The following DIS3L2 variants were observed in gnomAD, a reference collection of about 807,000 sequenced individuals.
The protein encoded by DIS3L2 is DIS3 like 3'-5' exoribonuclease 2.
In DIS3L2, 34 loss-of-function variants were observed where a neutral mutation model predicts 97.5. The observed-to-expected ratio is 0.35, with a 90% confidence interval of 0.27 to 0.46. The LOEUF is 0.46. Ranked by LOEUF, DIS3L2 falls within the 20% of genes least tolerant of loss-of-function variation. DIS3L2 has a pLI of 1.00. For missense variants in DIS3L2, 1,038 were observed against 1,146.0 expected, an observed-to-expected ratio of 0.91 and a Z score of 1.36; for synonymous variants, 435 against 445.2, an observed-to-expected ratio of 0.98 and a Z score of 0.29.
In DIS3L2 at chr2:232,268,100, T is replaced by C. The variant is rs2633260; in HGVS notation, c.1659+4660T>C. ...GTTTGCAGGAAGCTGTGCACCATCATGGGTCCCCTGACAGGTGGTTAGGTG... is the reference window on the plus strand; with the variant it reads ...GTTTGCAGGAAGCTGTGCACCATCACGGGTCCCCTGACAGGTGGTTAGGTG... On this transcript the variant is annotated intron_variant, in intron 13 of 20. Coordinates refer to ENST00000325385, the MANE Select transcript of DIS3L2 (RefSeq NM_152383.5). The surrounding 1 kb of genome is among the most constrained non-coding windows in gnomAD (Gnocchi z 4.1). Among the ~76,000 whole-genome samples the C allele has an allele frequency of 0.19, 29,432 of 152,202 alleles. 3,238 individuals are homozygous for C. Among genetic ancestry groups the C allele is most frequent in the African/African-American group, 0.29 (12,124 of 41,510 alleles).
intron 8 of DIS3L2, among the ~76,000 whole-genome samples, chr2:232,157,933 C>G (rs1187687171): frequency 2.6e-5 from 4 of 152,220 alleles, no homozygotes; most frequent in Admixed American, 1.3e-4. Context: ...ACTGTGCACT[C>G]TCATGGAGCA....
At chr2:232,329,785 T>TCCCCGGGGGGGGCCCCCCCCC in intron 14 of DIS3L2, 28 bp from the exon 15 acceptor site, 9 of 967,134 alleles carry the variant, frequency 9.3e-6, no homozygotes, top group East Asian at 3.1e-5. Flanking sequence ...ACCCCAGCGG[T>TCCCCGGGGGGGGCCCCCCCCC]CCCTCCCATC....
chr2:232,299,209 G>T lies in DIS3L2; in HGVS notation c.1660-831G>T, dbSNP rs77314570. ...TGTCCATTTCTCTCACTCTATCCCA[G>T]CCCCCCTGGCCGCTCCCCTGACTGT... On this transcript the variant is annotated intron_variant, in intron 13 of 20. Coordinates refer to ENST00000325385, the MANE Select transcript of DIS3L2 (RefSeq NM_152383.5). Among the ~76,000 whole-genome samples, 512 of 152,152 alleles carry T rather than the reference G, an allele frequency of 3.4e-3. 1 individual carries two copies. The highest frequency in any genetic ancestry group is 0.012 in the African/African-American group (486 of 41,500).
At chr2:232,096,653 C>G (rs985783909) in intron 6 of DIS3L2, among the ~76,000 whole-genome samples, 2 of 151,936 alleles carry the variant, frequency 1.3e-5, no homozygotes, top group African/African-American at 4.8e-5. Context: ...TTCAAATAAC[C>G]TGTGTTCAAC....
chr2:232,175,600 G>A (rs1691127875), intron 9 of DIS3L2, among the ~76,000 whole-genome samples: 2 of 151,742 alleles, frequency 1.3e-5, no homozygotes, highest in South Asian at 2.1e-4. Context: ...TAGGTTCGGG[G>A]GTACATGTAT....
Position 232,325,806 on chromosome 2 carries a change from C to G in DIS3L2, c.1740-4007C>G, listed in dbSNP as rs1255218103. Among the ~76,000 whole-genome samples the G allele has an allele frequency of 6.6e-6, 1 of 152,220 alleles. No individual in the cohort carries two copies. Among genetic ancestry groups the G allele is most frequent in the Non-Finnish European group, 1.5e-5 (1 of 68,030 alleles). On this transcript the variant is annotated intron_variant, in intron 14 of 20. Coordinates refer to ENST00000325385, the MANE Select transcript of DIS3L2 (RefSeq NM_152383.5). This position sits in a 1 kb window ranked among gnomAD's most constrained non-coding sequence, Gnocchi z 4.6. ...TCCAGCGCCCCATCCCCCGCAGGGC[C>G]CAGTGATCTCACGCCTGTGCCCCTG...
At position 232,158,752 on chromosome 2, in the gene DIS3L2, G is replaced by A. The variant is rs549047763; in HGVS notation, c.951-4707G>A. On this transcript the variant is annotated intron_variant, in intron 8 of 20. Coordinates refer to ENST00000325385, the MANE Select transcript of DIS3L2 (RefSeq NM_152383.5). ...GTTAAAGACATTGATATTAGGAGAC[G>A]AATGTAGGAAACAGAACCTCAGGGA... Among the ~76,000 whole-genome samples, 10 of 152,212 alleles carry A rather than the reference G, an allele frequency of 6.6e-5. No individual in the cohort carries two copies. The East Asian group carries it at 1.9e-3, about 29-fold the overall frequency.
chr2:232,171,668 A>T (rs574860863), intron 9 of DIS3L2, among the ~76,000 whole-genome samples: 1 of 152,202 alleles, frequency 6.6e-6, no homozygotes, highest in South Asian at 2.1e-4. Flanking sequence ...GGAAGCTGTC[A>T]TTGTCATTTG....
intron 12 of DIS3L2, among the ~76,000 whole-genome samples, chr2:232,256,550 G>A (rs760213984): frequency 8.5e-5 from 13 of 152,272 alleles, no homozygotes; most frequent in African/African-American, 2.4e-4. Flanking sequence ...CCTTTTATTC[G>A]TCACTAGGTT....
At chr2:232,078,486 C>G (rs1696284379) in intron 5 of DIS3L2, among the ~76,000 whole-genome samples, 1 of 152,206 alleles carries the variant, frequency 6.6e-6, no homozygotes, top group Admixed American at 6.5e-5. Flanking sequence ...CTTCTTAACT[C>G]TTTCAAAGAC....
At chr2:232,313,064 T>A (rs941576117) in intron 14 of DIS3L2, among the ~76,000 whole-genome samples, 5 of 152,210 alleles carry the variant, frequency 3.3e-5, no homozygotes, top group Non-Finnish European at 7.3e-5. Flanking sequence ...CAGTTTTACT[T>A]TTTCCTTTCC....
At chr2:232,195,069 A>G (rs907473969) in intron 9 of DIS3L2, among the ~76,000 whole-genome samples, 1 of 152,216 alleles carries the variant, frequency 6.6e-6, no homozygotes, top group African/African-American at 2.4e-5. Flanking sequence ...TCTGAATGAT[A>G]CAACAGAGTT....
chr2:232,084,027 T>G (rs990714817), intron 5 of DIS3L2, among the ~76,000 whole-genome samples: 3 of 152,204 alleles, frequency 2.0e-5, no homozygotes, highest in African/African-American at 7.2e-5. Context: ...GTATTAGTTC[T>G]TTGAGGATGG....
chr2:232,050,165 T>C (rs995328193), intron 5 of DIS3L2, among the ~76,000 whole-genome samples: 3 of 152,236 alleles, frequency 2.0e-5, no homozygotes, highest in African/African-American at 7.2e-5. Context: ...TGATTTCCCT[T>C]TTCTTTGTAA....
At chr2:232,171,111 C>G (rs998363826) in intron 9 of DIS3L2, among the ~76,000 whole-genome samples, 11 of 152,066 alleles carry the variant, frequency 7.2e-5, no homozygotes, top group African/African-American at 2.7e-4. Flanking sequence ...TGATTTTAGG[C>G]AAACCAGTTA....
At chr2:232,338,206 GT>G (rs34402884), downstream of DIS3L2, among the ~76,000 whole-genome samples, 375 of 152,206 alleles carry the variant, frequency 2.5e-3, 1 homozygote, top group Non-Finnish European at 4.4e-3. Context: ...CTGAGGAGCA[GT>G]GGCCAAGTTC....
chr2:232,249,157 G>A (rs936650584), intron 11 of DIS3L2, 82 bp from the exon 12 acceptor site: 4 of 1,348,446 alleles, frequency 3.0e-6, no homozygotes, highest in Non-Finnish European at 3.1e-6. Context: ...AAAAGCTGAA[G>A]CTGTTCACCA....
chr2:232,098,714 G>A (rs559829012), intron 6 of DIS3L2, among the ~76,000 whole-genome samples: 18 of 151,936 alleles, frequency 1.2e-4, no homozygotes, highest in Non-Finnish European at 2.4e-4. Flanking sequence ...AATATCATTT[G>A]CCCATTTTTC....
intron 8 of DIS3L2, among the ~76,000 whole-genome samples, chr2:232,158,832 A>C (rs1476281645): frequency 6.6e-6 from 1 of 152,156 alleles, no homozygotes; most frequent in African/African-American, 2.4e-5. Flanking sequence ...GATTCCATTA[A>C]TTTTCAGAAT....
Sources: gnomAD v4.1 joint callset for allele counts (sites outside exome capture counted in the v4.1 genomes callset) on GRCh38, gnomAD v4.1.1 for gene constraint, Gnocchi (gnomAD v3.1) non-coding constraint, MANE v1.5 for transcripts, NCBI Gene and HGNC (gene_info 2026-07-23, HGNC 2026-07-21) for gene names.